Variants in CXCL13 observed in about 807,000 individuals in gnomAD.
The protein encoded by CXCL13 is C-X-C motif chemokine ligand 13, also known as C-X-C motif chemokine 13.
A neutral mutation model predicts 12.2 loss-of-function variants in CXCL13; 7 were observed. The ratio of observed to expected loss-of-function variants is 0.57; its 90% CI spans 0.33 to 1.07. The LOEUF is 1.07. Among genes scored for constraint, CXCL13 ranks in the 50% least tolerant of loss-of-function variants. CXCL13 has a pLI of 0.04. For synonymous variants in CXCL13, 47 were observed against 42.4 expected, an observed-to-expected ratio of 1.11 and a Z score of -0.42; for missense variants, 113 against 127.4, an observed-to-expected ratio of 0.89 and a Z score of 0.55.
At chr4:77,553,969 G>A (rs1452638046) in intron 1 of CXCL13, among the ~76,000 whole-genome samples, 1 of 152,108 alleles carries the variant, frequency 6.6e-6, no homozygotes, top group Non-Finnish European at 1.5e-5. Flanking sequence ...AGAGGAATAG[G>A]TAACTATGTG....
chr4:77,589,799 G>T (rs1298415965), intron 1 of CXCL13, among the ~76,000 whole-genome samples: 1 of 152,180 alleles, frequency 6.6e-6, no homozygotes, highest in East Asian at 1.9e-4. Flanking sequence ...GTTTTCAACT[G>T]GCCCAAGCTG....
At chr4:77,567,043 C>T (rs1416801569) in intron 1 of CXCL13, among the ~76,000 whole-genome samples, 1 of 152,184 alleles carries the variant, frequency 6.6e-6, no homozygotes, top group Non-Finnish European at 1.5e-5. Context: ...GTTCCTGCCT[C>T]ACCCTAACTG....
intron 1 of CXCL13, among the ~76,000 whole-genome samples, chr4:77,520,934 G>A (rs116708835): frequency 0.027 from 4,150 of 152,220 alleles, 199 homozygotes; most frequent in African/African-American, 0.094. Context: ...AAGTGCTGTC[G>A]AATTTTCTTG....
In CXCL13 at chr4:77,535,101, C is replaced by T. The variant is rs143095211; in HGVS notation, c.-43+23313C>T. Among the ~76,000 whole-genome samples, 322 of 152,308 alleles carry T rather than the reference C, an allele frequency of 2.1e-3. 2 individuals are homozygous for T. The highest frequency in any genetic ancestry group is 7.5e-3 in the African/African-American group (310 of 41,552). ...CACAGTGTCCTCACAATGTCCTCTTCCACAAAGAAGGAACTTCTTCCAGAC... is the reference window on the plus strand; with the variant it reads ...CACAGTGTCCTCACAATGTCCTCTTTCACAAAGAAGGAACTTCTTCCAGAC... On this transcript the variant is annotated intron_variant, in intron 1 of 4. Transcript: ENST00000286758.
chr4:77,561,228 T>C (rs1725802624), intron 1 of CXCL13, among the ~76,000 whole-genome samples: 1 of 152,188 alleles, frequency 6.6e-6, no homozygotes, highest in African/African-American at 2.4e-5. Context: ...GGAACAGCAG[T>C]GTTACCTGGA....
At chr4:77,517,488 C>T (rs1278969716) in intron 1 of CXCL13, among the ~76,000 whole-genome samples, 1 of 152,142 alleles carries the variant, frequency 6.6e-6, no homozygotes, top group Non-Finnish European at 1.5e-5. Flanking sequence ...AATCTGGGTG[C>T]TCCTGTATTG....
intron 1 of CXCL13, among the ~76,000 whole-genome samples, chr4:77,588,279 T>A (rs779500175): frequency 3.4e-4 from 51 of 152,234 alleles, no homozygotes; most frequent in Non-Finnish European, 7.3e-5. Flanking sequence ...GGGTACATAC[T>A]TTCTACCATT....
At chr4:77,598,929 C>T (rs112349789) in intron 1 of CXCL13, among the ~76,000 whole-genome samples, 8,429 of 152,128 alleles carry the variant, frequency 0.055, 399 homozygotes, top group Middle Eastern at 0.13. Flanking sequence ...CTGCCTTAGC[C>T]TCCATAGTAA....
At chr4:77,515,125 G>A (rs886327179) in intron 1 of CXCL13, among the ~76,000 whole-genome samples, 24 of 152,236 alleles carry the variant, frequency 1.6e-4, no homozygotes, top group Non-Finnish European at 2.2e-4. Flanking sequence ...GTAGATATGC[G>A]GAGTTATTTC....
intron 1 of CXCL13, among the ~76,000 whole-genome samples, chr4:77,607,090 C>T (rs1265854456): frequency 6.6e-6 from 1 of 152,176 alleles, no homozygotes; most frequent in African/African-American, 2.4e-5. Flanking sequence ...GGCAGAGAGT[C>T]TGATAGAGAA....
At chr4:77,600,869 CCTT>C (rs1726866790), upstream of CXCL13, among the ~76,000 whole-genome samples, 1 of 152,116 alleles carries the variant, frequency 6.6e-6, no homozygotes, top group Non-Finnish European at 1.5e-5. Context: ...TTTCTCCCCT[CCTT>C]CATGAATATT....
intron 1 of CXCL13, among the ~76,000 whole-genome samples, chr4:77,512,593 A>G (rs762285531): frequency 6.6e-6 from 1 of 151,942 alleles, no homozygotes; most frequent in Non-Finnish European, 1.5e-5. Context: ...CTCTTCTTAT[A>G]AGGACACCAG....
At position 77,550,257 on chromosome 4, in the gene CXCL13, C is replaced by T. The variant is rs188715394; in HGVS notation, c.-43+38469C>T. Among the ~76,000 whole-genome samples the T allele has an allele frequency of 2.6e-5, 4 of 152,278 alleles. No homozygotes were observed. The South Asian group carries it at 6.2e-4, about 24-fold the overall frequency. On this transcript the variant is annotated intron_variant, in intron 1 of 4. Coordinates refer to the CXCL13 transcript ENST00000286758. ...CCAGGTATGGTCTGTCATGGCTTTCCTTGGCTAGGAAAGGGAATTCCCCAA... is the reference window on the plus strand; with the variant it reads ...CCAGGTATGGTCTGTCATGGCTTTCTTTGGCTAGGAAAGGGAATTCCCCAA...
chr4:77,584,124 T>G (rs570935504), intron 1 of CXCL13, among the ~76,000 whole-genome samples: 1 of 152,308 alleles, frequency 6.6e-6, no homozygotes, highest in Non-Finnish European at 1.5e-5. Flanking sequence ...TGCATTCAAG[T>G]GTAGGGCCAA....
chr4:77,582,366 G>A (rs1172899713), intron 1 of CXCL13, among the ~76,000 whole-genome samples: 1 of 152,196 alleles, frequency 6.6e-6, no homozygotes, highest in Non-Finnish European at 1.5e-5. Context: ...AAGAGACCAT[G>A]CAATAACAAA....
At position 77,566,920 on chromosome 4, in the gene CXCL13, C is replaced by G. The variant is rs146693382; in HGVS notation, c.-42-38904C>G. Among the ~76,000 whole-genome samples, 1,401 of 152,276 alleles carry G rather than the reference C, an allele frequency of 9.2e-3. 18 individuals are homozygous for G. The highest frequency in any genetic ancestry group is 0.032 in the African/African-American group (1,315 of 41,538). ...CTGAGCCCAAGCTAAGCCATCATAT[C>G]CCCTGTGACCTGCACCTATACATCC... On this transcript the variant is annotated intron_variant, in intron 1 of 4. Coordinates refer to the CXCL13 transcript ENST00000286758.
intron 1 of CXCL13, among the ~76,000 whole-genome samples, chr4:77,559,718 C>G (rs924064657): frequency 6.6e-6 from 1 of 151,890 alleles, no homozygotes; most frequent in Admixed American, 6.6e-5. Context: ...GTCAGGAGAT[C>G]GAGACCACCC....
At chr4:77,606,734 A>C (rs1333495314) in intron 1 of CXCL13, among the ~76,000 whole-genome samples, 1 of 152,174 alleles carries the variant, frequency 6.6e-6, no homozygotes, top group Non-Finnish European at 1.5e-5. Context: ...TTTGAGCGTA[A>C]TACAACCTTC....
At chr4:77,546,632 T>C (rs1725372263) in intron 1 of CXCL13, among the ~76,000 whole-genome samples, 1 of 152,182 alleles carries the variant, frequency 6.6e-6, no homozygotes, top group Non-Finnish European at 1.5e-5. Context: ...TTGATTCTTC[T>C]CTATTTTCTT....
Sources: allele counts gnomAD v4.1 joint callset (sites outside exome capture counted in the v4.1 genomes callset), GRCh38; gene constraint gnomAD v4.1.1; transcripts MANE v1.5; gene names NCBI Gene and HGNC (gene_info 2026-07-23, HGNC 2026-07-21).